Variants in INTS9 observed in about 807,000 individuals in gnomAD.
The protein encoded by INTS9 is protein related to CPSF subunits of 74 kDa.
In INTS9, 55 loss-of-function variants were observed where a neutral mutation model predicts 79.7. The ratio of observed to expected loss-of-function variants is 0.69; its 90% confidence interval spans 0.56 to 0.86. The LOEUF (loss-of-function observed/expected upper bound fraction) is 0.86, where lower values mean the gene tolerates loss of function less well. Among genes scored for constraint, INTS9 ranks in the 40% least tolerant of loss-of-function variants. The pLI, the probability that INTS9 is intolerant of heterozygous loss-of-function variation, is 0.00. For missense variants in INTS9, 721 were observed against 831.5 expected, an observed-to-expected ratio of 0.87 and a Z score of 1.64; for synonymous variants, 319 against 325.2, an observed-to-expected ratio of 0.98 and a Z score of 0.20.
At chr8:28,874,289 G>GTTTTTTTTTTTTTTTTTTTTT (rs780879321) in intron 1 of INTS9, among the ~76,000 whole-genome samples, 2 of 142,202 alleles carry the variant, frequency 1.4e-5, no homozygotes, top group Admixed American at 7.1e-5. Flanking sequence ...TATTTAAACT[G>GTTTTTTTTTTTTTTTTTTTTT]TTTTTTTTTT....
chr8:28,889,381 GA>G (rs1213929885), intron 1 of INTS9, among the ~76,000 whole-genome samples: 4 of 152,294 alleles, frequency 2.6e-5, no homozygotes, highest in Admixed American at 1.3e-4. Context: ...ACCTCGTCCT[GA>G]ATTCCAAGGG....
chr8:28,772,044 A>AGAT (rs1411592971), intron 14 of INTS9, among the ~76,000 whole-genome samples: 1 of 152,032 alleles, frequency 6.6e-6, no homozygotes, highest in Admixed American at 6.5e-5. Context: ...ATTTTTTTGT[A>AGAT]GATACGGGGG....
intron 8 of INTS9, among the ~76,000 whole-genome samples, chr8:28,806,282 CCT>C (rs1804806662): frequency 6.6e-6 from 1 of 151,962 alleles, no homozygotes; most frequent in Non-Finnish European, 1.5e-5. Flanking sequence ...TGGGAAAAAG[CCT>C]CTTAGCTTTT....
chr8:28,775,773 C>T lies in INTS9; in HGVS notation c.1549G>A (p.Glu517Lys), dbSNP rs549719222. Reference sequence around the variant, plus strand: ...GAACAGCTCACCTCTGGCATGATCTCGATCTTCTCGTACCGACGTTTGAAG... The same window carrying T: ...GAACAGCTCACCTCTGGCATGATCTTGATCTTCTCGTACCGACGTTTGAAG... ...LPFKRRYEKIEIMPELADSLV... is the reference protein window; with the variant it reads ...LPFKRRYEKIKIMPELADSLV... The change falls in exon 14 of 17, where the codon GAG (glutamate) becomes AAG (lysine). Residue 517 changes from glutamate (E) to lysine (K), a missense_variant. By Grantham distance (56) the Glu-to-Lys change is moderately conservative. Transcript: ENST00000521022. 9.9e-6 allele frequency: 16 copies of T among 1,613,924 alleles called. No individual in the cohort carries two copies. The Middle Eastern group carries it at 4.9e-4, about 50-fold the overall frequency.
chr8:28,881,192 C>T, intron 1 of INTS9, among the ~76,000 whole-genome samples: 1 of 148,282 alleles, frequency 6.7e-6, no homozygotes, highest in Non-Finnish European at 1.5e-5. Flanking sequence ...TGCCCGGCCG[C>T]CCCTACTGGG....
At chr8:28,878,496 T>G (rs1809512769) in intron 1 of INTS9, among the ~76,000 whole-genome samples, 1 of 151,560 alleles carries the variant, frequency 6.6e-6, no homozygotes. Flanking sequence ...AAAAAAATTG[T>G]TTTTTTGTAG....
At chr8:28,826,519 G>A (rs922254169) in intron 6 of INTS9, among the ~76,000 whole-genome samples, 4 of 152,254 alleles carry the variant, frequency 2.6e-5, no homozygotes, top group African/African-American at 9.6e-5. Flanking sequence ...TGTGGCAGGC[G>A]CTTCTGCCAT....
chr8:28,862,210 A>G (rs1808500691), intron 1 of INTS9: 2 of 984,996 alleles, frequency 2.0e-6, no homozygotes, highest in Admixed American at 1.2e-4. Context: ...GAGGGTTATG[A>G]GACTAAGGCA....
intron 16 of INTS9, among the ~76,000 whole-genome samples, chr8:28,769,406 C>T (rs1802395071): frequency 6.6e-6 from 1 of 152,080 alleles, no homozygotes; most frequent in Non-Finnish European, 1.5e-5. Context: ...TTCTTTTAAT[C>T]ATAGTCAAGA....
At chr8:28,824,951 T>C (rs1345936654) in intron 6 of INTS9, among the ~76,000 whole-genome samples, 1 of 152,212 alleles carries the variant, frequency 6.6e-6, no homozygotes, top group Non-Finnish European at 1.5e-5. Flanking sequence ...GAAGAGATGC[T>C]GAGTCAAGGT....
At chr8:28,779,503 CAG>C in intron 12 of INTS9, among the ~76,000 whole-genome samples, 1 of 152,286 alleles carries the variant, frequency 6.6e-6, no homozygotes. Flanking sequence ...ACACGGAACA[CAG>C]AACTTTCCTG....
chr8:28,829,850 T>A (rs1806365764), intron 6 of INTS9, among the ~76,000 whole-genome samples: 1 of 152,188 alleles, frequency 6.6e-6, no homozygotes, highest in South Asian at 2.1e-4. Flanking sequence ...TAAGGAAGGC[T>A]TGGCAGCTGT....
chr8:28,844,411 G>A lies in INTS9; in HGVS notation c.261+2336C>T, dbSNP rs563175134. The stretch of plus-strand genomic sequence containing the variant: ...CAAAATTAGCAGGGTGTGGTTGTGT[G>A]CACCTGTGGTCCCAGCTACTTGGGA... On this transcript the variant is annotated intron_variant, in intron 4 of 16. Coordinates refer to ENST00000521022, the MANE Select transcript of INTS9 (RefSeq NM_018250.4). Among the ~76,000 whole-genome samples the A allele has an allele frequency of 4.6e-5, 7 of 152,230 alleles. No individual in the cohort carries two copies. The East Asian group carries it at 1.4e-3, about 29-fold the overall frequency.
In INTS9 at chr8:28,770,131, G is replaced by A. The variant is rs1006514841; in HGVS notation, c.1663-105C>T. ...GACTATCCTGTCCTCACAGGCCACA[G>A]AGCCCCGGCCCGGTTTCCTCAGCCG... On this transcript the variant is annotated intron_variant, in intron 15 of 16. Transcript: ENST00000521022. The A allele has an allele frequency of 1.7e-5, 24 of 1,410,490 alleles. No individual in the cohort carries two copies. The East Asian group carries it at 2.4e-4, about 14-fold the overall frequency. 87.4% of individuals were successfully genotyped at this position (1,410,490 alleles called of 1,614,324 possible). A position where few individuals can be genotyped will look rare whatever the true frequency, so the allele number is the denominator to read the frequency against.
chr8:28,882,909 C>A (rs1290666098), intron 1 of INTS9, among the ~76,000 whole-genome samples: 2 of 152,156 alleles, frequency 1.3e-5, no homozygotes, highest in Non-Finnish European at 2.9e-5. Flanking sequence ...AGTAAAGTTC[C>A]CACCACACAG....
At chr8:28,779,595 C>T (rs1001908671) in intron 12 of INTS9, among the ~76,000 whole-genome samples, 15 of 152,196 alleles carry the variant, frequency 9.9e-5, no homozygotes, top group African/African-American at 2.2e-4. Flanking sequence ...AGAAACCCAT[C>T]GCAGAATGAC....
intron 14 of INTS9, among the ~76,000 whole-genome samples, chr8:28,773,727 G>C (rs545403864): frequency 1.3e-5 from 2 of 151,748 alleles, no homozygotes; most frequent in East Asian, 3.9e-4. Flanking sequence ...TCATCATGTT[G>C]GCCAGGCTGG....
intron 16 of INTS9, 174 bp from the exon 17 acceptor site, chr8:28,768,496 C>G (rs1802338786): frequency 6.3e-6 from 4 of 635,308 alleles, no homozygotes; most frequent in Non-Finnish European, 8.2e-6. Flanking sequence ...GAAAAGAGAC[C>G]CTAAACATGC....
At chr8:28,805,424 C>T (rs1276085970) in intron 8 of INTS9, among the ~76,000 whole-genome samples, 4 of 152,164 alleles carry the variant, frequency 2.6e-5, no homozygotes. Flanking sequence ...CTCTAGATTC[C>T]CATTCCTCAA....
Sources: gnomAD v4.1 joint callset for allele counts (sites outside exome capture counted in the v4.1 genomes callset) on GRCh38, gnomAD v4.1.1 for gene constraint, MANE v1.5 for transcripts, NCBI Gene and HGNC (gene_info 2026-07-23, HGNC 2026-07-21) for gene names.